KLHL29: variants seen among roughly 807,000 people sequenced by gnomAD.
KLHL29 encodes kelch like family member 29, also known as kelch-like protein 29.
Under a neutral mutation model 80.4 loss-of-function variants are expected in KLHL29, and 21 were observed. The ratio of observed to expected loss-of-function variants is 0.26; its 90% CI spans 0.19 to 0.38. The LOEUF is 0.38. Ranked by LOEUF, KLHL29 falls within the 10% of genes least tolerant of loss-of-function variation. The pLI, the probability that KLHL29 is intolerant of heterozygous loss-of-function variation, is 1.00. For missense variants in KLHL29, 867 were observed against 1,223.9 expected (o/e 0.71, Z 4.35); for synonymous variants, 511 against 526.8 (o/e 0.97, Z 0.41).
chr2:23,542,290 T>TA (rs1666859820), intron 2 of KLHL29, among the ~76,000 whole-genome samples: 1 of 152,194 alleles, frequency 6.6e-6, no homozygotes, highest in Non-Finnish European at 1.5e-5. Flanking sequence ...TTAGAGGACT[T>TA]ACTTTAGTCC....
At chr2:23,652,379 A>G (rs903556388) in intron 5 of KLHL29, among the ~76,000 whole-genome samples, 14 of 152,244 alleles carry the variant, frequency 9.2e-5, no homozygotes, top group African/African-American at 3.1e-4. Context: ...TAAATGGTTA[A>G]GAGCTGTCTC....
chr2:23,516,911 G>A (rs1417287775), intron 2 of KLHL29, among the ~76,000 whole-genome samples: 5 of 152,226 alleles, frequency 3.3e-5, no homozygotes, highest in African/African-American at 1.2e-4. Context: ...CTTGCGTGTG[G>A]TGTCCCGCCA....
intron 2 of KLHL29, among the ~76,000 whole-genome samples, chr2:23,489,895 C>T (rs1665045807): frequency 6.6e-6 from 1 of 152,098 alleles, no homozygotes; most frequent in Non-Finnish European, 1.5e-5. Context: ...AAGAGGAAGT[C>T]CTCTCAGGCG....
intron 1 of KLHL29, among the ~76,000 whole-genome samples, chr2:23,406,358 CAT>C (rs1394520124): frequency 6.7e-6 from 1 of 149,958 alleles, no homozygotes; most frequent in Non-Finnish European, 1.5e-5. Context: ...AGAAAACACA[CAT>C]ATTATCTAGA....
At chr2:23,425,148 G>A (rs1368665504) in intron 1 of KLHL29, among the ~76,000 whole-genome samples, 1 of 152,126 alleles carries the variant, frequency 6.6e-6, no homozygotes, top group African/African-American at 2.4e-5. Flanking sequence ...TATAATCCTT[G>A]AATAATATAC....
intron 6 of KLHL29, chr2:23,691,430 C>CT (rs1213194073): frequency 7.0e-6 from 4 of 570,372 alleles, no homozygotes; most frequent in Non-Finnish European, 9.4e-6. Flanking sequence ...TGATTTGCAT[C>CT]TTTTTTTGCA....
At chr2:23,474,001 C>T (rs1490700493) in intron 1 of KLHL29, among the ~76,000 whole-genome samples, 6 of 152,140 alleles carry the variant, frequency 3.9e-5, no homozygotes, top group Admixed American at 3.9e-4. Flanking sequence ...CTGGCCCTGC[C>T]CACCCTACTT....
At chr2:23,592,902 T>G (rs1194580725) in intron 3 of KLHL29, among the ~76,000 whole-genome samples, 1 of 152,186 alleles carries the variant, frequency 6.6e-6, no homozygotes, top group Non-Finnish European at 1.5e-5. Context: ...CCCAAAAGCC[T>G]CTCTTGAGAG....
At chr2:23,525,733 C>CA (rs1250807253) in intron 2 of KLHL29, among the ~76,000 whole-genome samples, 5 of 129,474 alleles carry the variant, frequency 3.9e-5, no homozygotes, top group Admixed American at 7.7e-5. Flanking sequence ...CCTGCCCCCC[C>CA]CCCCCACCCG....
At chr2:23,702,607 T>G (rs1402196853) in intron 11 of KLHL29, among the ~76,000 whole-genome samples, 1 of 152,190 alleles carries the variant, frequency 6.6e-6, no homozygotes, top group African/African-American at 2.4e-5. Flanking sequence ...AGGCCCAGCC[T>G]GGGTATCAGC....
chr2:23,629,656 T>C (rs1669418911), intron 3 of KLHL29, among the ~76,000 whole-genome samples: 1 of 152,204 alleles, frequency 6.6e-6, no homozygotes, highest in East Asian at 1.9e-4. Context: ...GGTTGCTTTA[T>C]GTGTGCAAGG....
chr2:23,472,879 T>A (rs1664536602), intron 1 of KLHL29, among the ~76,000 whole-genome samples: 1 of 152,230 alleles, frequency 6.6e-6, no homozygotes. Context: ...TAACCCTCTC[T>A]GTGAATGTAT....
At chr2:23,673,653 C>T (rs1278862082) in intron 5 of KLHL29, among the ~76,000 whole-genome samples, 3 of 151,460 alleles carry the variant, frequency 2.0e-5, no homozygotes, top group African/African-American at 7.3e-5. Flanking sequence ...CACCCCTACA[C>T]AGACACATAC....
intron 6 of KLHL29, among the ~76,000 whole-genome samples, chr2:23,688,531 G>A (rs760792231): frequency 2.6e-5 from 4 of 152,190 alleles, no homozygotes; most frequent in African/African-American, 9.7e-5. Flanking sequence ...AAACATTCTA[G>A]TAGTTGGGCC....
intron 2 of KLHL29, among the ~76,000 whole-genome samples, chr2:23,515,310 C>T (rs1205972986): frequency 1.3e-5 from 2 of 152,176 alleles, no homozygotes; most frequent in African/African-American, 4.8e-5. Context: ...ACAACCTCTA[C>T]TCCCCAACTT....
chr2:23,691,450 C>T (rs970198444), intron 6 of KLHL29: 25 of 590,836 alleles, frequency 4.2e-5, no homozygotes, highest in African/African-American at 2.6e-4. Context: ...ATGGACATGC[C>T]GAGTAGTGAT....
intron 4 of KLHL29, 39 bp from the exon 5 acceptor site, chr2:23,642,299 T>G: frequency 7.2e-7 from 1 of 1,390,188 alleles, no homozygotes; most frequent in Non-Finnish European, 9.4e-7. Context: ...TGAATGAAAA[T>G]GTAACCGGCA....
intron 2 of KLHL29, among the ~76,000 whole-genome samples, chr2:23,517,298 A>G (rs1665965267): frequency 6.6e-6 from 1 of 152,242 alleles, no homozygotes; most frequent in South Asian, 2.1e-4. Context: ...TAATCCCAGC[A>G]CTTTGGGAGG....
chr2:23,638,265 T>C (rs1279068021), intron 3 of KLHL29, among the ~76,000 whole-genome samples: 1 of 152,178 alleles, frequency 6.6e-6, no homozygotes, highest in East Asian at 1.9e-4. Context: ...GTGGCCTGTT[T>C]TTCTCATTAA....
Sources: allele counts gnomAD v4.1 joint callset (sites outside exome capture counted in the v4.1 genomes callset), GRCh38; gene constraint gnomAD v4.1.1; transcripts MANE v1.5; gene names NCBI Gene and HGNC (gene_info 2026-07-23, HGNC 2026-07-21).